The following CHRDL2 variants were observed in gnomAD, a reference collection of about 807,000 sequenced individuals.
CHRDL2 encodes chordin-like protein 2.
A neutral mutation model predicts 54.3 loss-of-function variants in CHRDL2; 41 were observed. That is an observed-to-expected ratio of 0.76 (90% CI 0.59 to 0.98). CHRDL2 has a LOEUF of 0.98. Among genes scored for constraint, CHRDL2 ranks in the 50% least tolerant of loss-of-function variants. The pLI, the probability that CHRDL2 is intolerant of heterozygous loss-of-function variation, is 0.00. For missense variants in CHRDL2, 518 were observed against 562.4 expected, an observed-to-expected ratio of 0.92 and a Z score of 0.80; for synonymous variants, 220 against 224.3, an observed-to-expected ratio of 0.98 and a Z score of 0.17.
intron 3 of CHRDL2, among the ~76,000 whole-genome samples, chr11:74,711,738 G>A (rs1295094761): frequency 6.6e-6 from 1 of 152,006 alleles, no homozygotes; most frequent in Non-Finnish European, 1.5e-5. Flanking sequence ...ACTTTGGGAG[G>A]CTGAGGTGGG....
In CHRDL2 at chr11:74,730,852, C is replaced by G; in HGVS notation, c.37G>C (p.Gly13Arg). The G allele has an allele frequency of 6.2e-7, 1 of 1,612,868 alleles. No homozygotes were observed. The highest frequency in any genetic ancestry group is 8.5e-7 in the Non-Finnish European group (1 of 1,179,652). ...PEVRVLSSLL[G>R]LALLWFPLDS... ...AGGGGGAACCAGAGCAGCGCGAGTCCCAGCAAGGAGGAGAGGACCCTCACC... is the reference window on the plus strand; with the variant it reads ...AGGGGGAACCAGAGCAGCGCGAGTCGCAGCAAGGAGGAGAGGACCCTCACC... The change falls in exon 1 of 11, where the codon GGA becomes CGA. Residue 13 changes from glycine (G) to arginine (R), a missense_variant. Gly to Arg is a moderately radical substitution (Grantham distance 125). Transcript: ENST00000376332.
Position 74,717,201 on chromosome 11 carries a change from G to A in CHRDL2, c.195+1519C>T, listed in dbSNP as rs1166237993. On this transcript the variant is annotated intron_variant, in intron 2 of 10. Coordinates refer to ENST00000376332, the MANE Select transcript of CHRDL2 (RefSeq NM_001278473.3). ...TTAGGAGGCTTGTGTGGCAGCCCAG[G>A]AAAGAGATGACAGATGATGGTGGCT... Among the ~76,000 whole-genome samples the A allele has an allele frequency of 2.8e-4, 43 of 152,200 alleles. 2 individuals carry two copies. Among genetic ancestry groups the A allele is most frequent in the Admixed American group, 2.8e-3 (43 of 15,278 alleles).
At position 74,702,951 on chromosome 11, in the gene CHRDL2, AG is replaced by A. The variant is rs1158906991; in HGVS notation, c.962del (p.Pro321LeufsTer52). 6.2e-7 allele frequency: 1 copy of A among 1,613,234 alleles called. No individual in the cohort carries two copies. On this transcript the variant is annotated frameshift_variant, in exon 9 of 11. Transcript: ENST00000376332. LOFTEE classifies it high-confidence loss of function. ...CKICPEDKADPGHSEISSTRC... is the reference protein window; with the variant it reads ...CKICPEDKADXGHSEISSTRC... Reference sequence around the variant, plus strand: ...TGGTAGAACTGATCTCACTGTGGCCAGGGTCTGCTTTGTCCTCTGGAGAGAC... The same window carrying A: ...TGGTAGAACTGATCTCACTGTGGCCAGGTCTGCTTTGTCCTCTGGAGAGAC...
chr11:74,727,038 C>T (rs2034583819), intron 1 of CHRDL2, among the ~76,000 whole-genome samples: 1 of 152,220 alleles, frequency 6.6e-6, no homozygotes, highest in South Asian at 2.1e-4. Flanking sequence ...TCCCACATCC[C>T]TATTCCAAAG....
chr11:74,702,309 A>C (rs2033844396), intron 9 of CHRDL2, among the ~76,000 whole-genome samples: 1 of 152,006 alleles, frequency 6.6e-6, no homozygotes, highest in Non-Finnish European at 1.5e-5. Context: ...TGATAGCAGC[A>C]GATTGTTGAA....
chr11:74,730,359 C>A (rs1451503338), intron 1 of CHRDL2, among the ~76,000 whole-genome samples: 1 of 152,206 alleles, frequency 6.6e-6, no homozygotes, highest in Non-Finnish European at 1.5e-5. Context: ...TGATAATACC[C>A]ACCTCACTGG....
intron 3 of CHRDL2, among the ~76,000 whole-genome samples, chr11:74,712,104 C>A (rs1213026643): frequency 1.3e-5 from 2 of 152,018 alleles, no homozygotes; most frequent in African/African-American, 4.8e-5. Context: ...GCCACCGTGA[C>A]TGGCCAGAAC....
At chr11:74,697,343 A>G in intron 9 of CHRDL2, 46 bp from the exon 10 acceptor site, 1 of 1,417,072 alleles carries the variant, frequency 7.1e-7, no homozygotes, top group Non-Finnish European at 1.0e-6. Flanking sequence ...AAAAACCTAC[A>G]GTCGGTGAAA....
At position 74,706,450 on chromosome 11, in the gene CHRDL2, CCT is replaced by C. The variant is rs71713771; in HGVS notation, c.582+35_582+36del. On this transcript the variant is annotated intron_variant, in intron 6 of 10. Coordinates refer to ENST00000376332, the MANE Select transcript of CHRDL2 (RefSeq NM_001278473.3). The stretch of plus-strand genomic sequence containing the variant: ...AGATTTAGGCCCTGGATCCCAGCCC[CCT>C]GTCCCGCACCCCGTCAATAAGGCCG... The C allele has an allele frequency of 2.6e-3, 4,200 of 1,607,890 alleles. 92 individuals carry two copies. The African/African-American group carries it at 0.05, about 19-fold the overall frequency.
At chr11:74,697,346 C>A (rs753571931) in intron 9 of CHRDL2, 49 bp from the exon 10 acceptor site, 4 of 1,388,796 alleles carry the variant, frequency 2.9e-6, no homozygotes, top group South Asian at 2.3e-5. Context: ...AACCTACAGT[C>A]GGTGAAAAGT....
At chr11:74,705,978 T>A (rs2135245514) in intron 6 of CHRDL2, among the ~76,000 whole-genome samples, 1 of 152,248 alleles carries the variant, frequency 6.6e-6, no homozygotes, top group Non-Finnish European at 1.5e-5. Flanking sequence ...CAATGTGTGA[T>A]TCTCTATCTC....
chr11:74,702,727 G>C, intron 9 of CHRDL2, 67 bp downstream of exon 9: 1 of 1,545,374 alleles, frequency 6.5e-7, no homozygotes, highest in Non-Finnish European at 8.9e-7. Flanking sequence ...AGGCCCCTGT[G>C]GGGTCTGGGG....
intron 9 of CHRDL2, among the ~76,000 whole-genome samples, chr11:74,702,433 C>T (rs543808741): frequency 6.6e-6 from 1 of 152,270 alleles, no homozygotes; most frequent in South Asian, 2.1e-4. Flanking sequence ...GGCCCTCCTA[C>T]TCTGAGGATG....
At chr11:74,726,731 G>A (rs913897605) in intron 1 of CHRDL2, among the ~76,000 whole-genome samples, 4 of 152,200 alleles carry the variant, frequency 2.6e-5, no homozygotes, top group African/African-American at 9.7e-5. Context: ...CAGCCTGTGC[G>A]CCAGTGAGTG....
At chr11:74,712,627 G>T (rs1268072353) in intron 3 of CHRDL2, among the ~76,000 whole-genome samples, 1 of 152,108 alleles carries the variant, frequency 6.6e-6, no homozygotes, top group African/African-American at 2.4e-5. Context: ...CTCCATACCA[G>T]CTCACCAGGA....
chr11:74,708,369 T>G lies in CHRDL2; in HGVS notation c.459A>C (p.Thr153=). Residue 153 remains threonine (T), a synonymous_variant, in exon 5 of 11, where the codon ACA becomes ACC. Coordinates refer to ENST00000376332, the MANE Select transcript of CHRDL2 (RefSeq NM_001278473.3). ...CTGGGCAGCCTGGTTCGGGGCAGGTTGTGAGGCCGCAGTAGATCTGGCCCT... is the reference window on the plus strand; with the variant it reads ...CTGGGCAGCCTGGTTCGGGGCAGGTGGTGAGGCCGCAGTAGATCTGGCCCT... ...CTEGQIYCGL[T]TCPEPGCPAP... 1 of 1,588,276 alleles carries G rather than the reference T, an allele frequency of 6.3e-7. No individual in the cohort carries two copies. The highest frequency in any genetic ancestry group is 8.5e-7 in the Non-Finnish European group (1 of 1,170,020).
intron 2 of CHRDL2, among the ~76,000 whole-genome samples, chr11:74,713,805 T>TTC (rs1315861871): frequency 6.6e-6 from 1 of 152,194 alleles, no homozygotes; most frequent in Non-Finnish European, 1.5e-5. Context: ...GACTGCACTA[T>TTC]TTTAACTCTA....
At chr11:74,712,431 C>T (rs2135259111) in intron 3 of CHRDL2, among the ~76,000 whole-genome samples, 1 of 152,238 alleles carries the variant, frequency 6.6e-6, no homozygotes, top group Middle Eastern at 3.4e-3. Context: ...GGGGAAAATC[C>T]CAAAGTCAGC....
intron 9 of CHRDL2, 177 bp from the exon 10 acceptor site, chr11:74,697,474 T>C: frequency 1.6e-6 from 1 of 610,724 alleles, no homozygotes; most frequent in Non-Finnish European, 3.0e-6. Context: ...TTCTCCTATC[T>C]CTCTGCCACT....
Sources: gnomAD v4.1 joint callset for allele counts (sites outside exome capture counted in the v4.1 genomes callset) on GRCh38, gnomAD v4.1.1 for gene constraint, MANE v1.5 for transcripts, NCBI Gene and HGNC (gene_info 2026-07-23, HGNC 2026-07-21) for gene names.